The following GRK7 variants were observed in gnomAD, a reference collection of about 807,000 sequenced individuals.
GRK7 encodes G protein-coupled receptor kinase 7.
Under a neutral mutation model 34.1 loss-of-function variants are expected in GRK7, and 24 were observed. The ratio of observed to expected loss-of-function variants is 0.70; its 90% CI spans 0.51 to 0.99. GRK7 has a LOEUF of 0.99. Ranked by LOEUF, GRK7 falls within the 50% of genes least tolerant of loss-of-function variation. The pLI is 0.00. For synonymous variants in GRK7, 256 were observed against 279.4 expected (o/e 0.92, Z 0.84); for missense variants, 644 against 707.3 (o/e 0.91, Z 1.02).
In GRK7 at chr3:141,764,351, A is replaced by T. The variant is rs915089211; in HGVS notation, c.-1602A>T. On this transcript the variant is annotated 5_prime_UTR_variant, in exon 1 of 6. Transcript: ENST00000682958. ...TTGATTCTCTGTTGAACTGACTCTC[A>T]TAAGGTTTTCATCCCACTACTTCAT... is the stretch of plus-strand genomic sequence containing the variant. Among the ~76,000 whole-genome samples the T allele has an allele frequency of 3.9e-5, 6 of 152,124 alleles. No individual in the cohort carries two copies. The highest frequency in any genetic ancestry group is 1.4e-4 in the African/African-American group (6 of 41,414).
At position 141,778,401 on chromosome 3, in the gene GRK7, G is replaced by T; in HGVS notation, c.117G>T (p.Leu39=). 2.5e-6 allele frequency: 4 copies of T among 1,612,576 alleles called. No homozygotes were observed. In the Middle Eastern group the frequency reaches 5.0e-4, roughly 200 times the overall value. The part of the protein sequence containing the change: ...ELQRRRRSLA[L]PGLQGCAELR... ...AGCGGCGGCGGCGTAGCCTGGCCCT[G>T]CCCGGGCTGCAGGGCTGCGCGGAGC... Residue 39 remains leucine, a synonymous_variant, in exon 3 of 6, where the codon CTG becomes CTT. Coordinates refer to ENST00000682958, the MANE Select transcript of GRK7 (RefSeq NM_139209.3). The surrounding 1 kb of genome is among the most constrained non-coding windows in gnomAD (Gnocchi z 4.1).
intron 1 of GRK7, among the ~76,000 whole-genome samples, chr3:141,769,755 G>A (rs557277144): frequency 6.6e-6 from 1 of 152,294 alleles, no homozygotes; most frequent in African/African-American, 2.4e-5. Flanking sequence ...TCGGCCTCGT[G>A]TGTGACCTCT....
At chr3:141,755,827 A>G in the GRK7 span, among the ~76,000 whole-genome samples, 1 of 152,168 alleles carries the variant, frequency 6.6e-6, no homozygotes, top group South Asian at 2.1e-4. Flanking sequence ...CTACCCTATC[A>G]TCTAAGGTAT....
chr3:141,815,016 C>T (rs912971366), intron 5 of GRK7, among the ~76,000 whole-genome samples: 2 of 151,172 alleles, frequency 1.3e-5, no homozygotes, highest in Non-Finnish European at 2.9e-5. Context: ...TCTCCGCCTC[C>T]TGGGTTCAAG....
intron 1 of GRK7, among the ~76,000 whole-genome samples, chr3:141,766,878 C>G (rs1213102274): frequency 6.6e-6 from 1 of 152,214 alleles, no homozygotes; most frequent in African/African-American, 2.4e-5. Context: ...ATTTGCATAT[C>G]TGCCATAATT....
chr3:141,776,923 G>T (rs2084642468), intron 2 of GRK7, among the ~76,000 whole-genome samples: 1 of 152,156 alleles, frequency 6.6e-6, no homozygotes, highest in Non-Finnish European at 1.5e-5. Flanking sequence ...GGCACAGGTT[G>T]TTATTTTTGG....
At chr3:141,756,335 G>T in the GRK7 span, among the ~76,000 whole-genome samples, 4 of 130,656 alleles carry the variant, frequency 3.1e-5, no homozygotes, top group African/African-American at 1.2e-4. Context: ...AAGGTGGGGG[G>T]GTGAAAACAA....
At chr3:141,804,082 A>G (rs1710999113) in intron 4 of GRK7, among the ~76,000 whole-genome samples, 1 of 152,202 alleles carries the variant, frequency 6.6e-6, no homozygotes, top group African/African-American at 2.4e-5. Flanking sequence ...TTGCTTTATC[A>G]AATGTCCATC....
chr3:141,774,993 A>G (rs1234032691), intron 2 of GRK7, among the ~76,000 whole-genome samples: 1 of 151,908 alleles, frequency 6.6e-6, no homozygotes, highest in Non-Finnish European at 1.5e-5. Context: ...GGGTTTCGCC[A>G]TGTTGCCAGG....
At position 141,780,613 on chromosome 3, in the gene GRK7, C is replaced by G; in HGVS notation, c.852C>G (p.Gly284=). The change falls in exon 4 of 6, where the codon GGC becomes GGG. Residue 284 remains glycine, a synonymous_variant. Coordinates refer to ENST00000682958, the MANE Select transcript of GRK7 (RefSeq NM_139209.3). Reference sequence around the variant, plus strand: ...TCAAGTTCCACATCTACAACGTGGGCACGCGTGGCCTGGACATGAGCCGGG... The same window carrying G: ...TCAAGTTCCACATCTACAACGTGGGGACGCGTGGCCTGGACATGAGCCGGG... The part of the protein sequence containing the change: ...GDLKFHIYNV[G]TRGLDMSRVI... 6.2e-7 allele frequency: 1 copy of G among 1,614,210 alleles called. No homozygotes were observed. Among genetic ancestry groups the G allele is most frequent in the African/African-American group, 1.3e-5 (1 of 75,044 alleles).
chr3:141,796,281 C>A (rs1710871116), intron 4 of GRK7, among the ~76,000 whole-genome samples: 1 of 152,310 alleles, frequency 6.6e-6, no homozygotes, highest in East Asian at 1.9e-4. Flanking sequence ...CACAGCCCTG[C>A]ACATGATCTT....
chr3:141,776,706 C>T (rs1031168036), intron 2 of GRK7, among the ~76,000 whole-genome samples: 2 of 152,212 alleles, frequency 1.3e-5, no homozygotes, highest in Admixed American at 1.3e-4. Context: ...GAGGCTCTGA[C>T]AGGCAGAGCA....
chr3:141,772,363 G>T (rs1030491601), intron 1 of GRK7, among the ~76,000 whole-genome samples: 9 of 152,210 alleles, frequency 5.9e-5, no homozygotes, highest in Non-Finnish European at 8.8e-5. Context: ...AAAGTGCTGG[G>T]ATTACAGGCG....
At chr3:141,762,431 G>A (rs2107868368), upstream of GRK7, among the ~76,000 whole-genome samples, 1 of 147,656 alleles carries the variant, frequency 6.8e-6, no homozygotes, top group East Asian at 2.0e-4. Context: ...CTGCTCGGGG[G>A]TCAGGGGTCA....
rs1711172129 is a variant in GRK7 at position 141,818,188 on chromosome 3, T to C, written c.*1138T>C. The stretch of plus-strand genomic sequence containing the variant: ...TGAAGGAGACCTATGGGCTTAGAAA[T>C]TGAGTTGAACAGGCCAGGTGCGGTG... On this transcript the variant is annotated 3_prime_UTR_variant, in exon 6 of 6. Transcript: ENST00000682958. The C allele has an allele frequency of 6.6e-6, 1 of 152,146 alleles. No individual in the cohort carries two copies. Among genetic ancestry groups the C allele is most frequent in the Non-Finnish European group, 1.5e-5 (1 of 68,044 alleles). The allele number at this position is 152,146 out of a possible 1,614,324, so 9.4% of individuals were successfully genotyped here. A position where few individuals can be genotyped will look rare whatever the true frequency, so the allele number is the denominator to read the frequency against.
rs2084665898 is a variant in GRK7, at chr3:141,780,396, A to C, written c.635A>C (p.Asn212Thr). ...AAGGTATGTGCCGTCCAGGTGAAAA[A>C]CACTGGGAAGATGTATGCCTGTAAG... is the stretch of plus-strand genomic sequence containing the variant. Reference protein sequence around the residue: ...FGEVCAVQVKNTGKMYACKKL... With the variant: ...FGEVCAVQVKTTGKMYACKKL... The change falls in exon 4 of 6, where the codon AAC (asparagine) becomes ACC (threonine). Residue 212 changes from asparagine to threonine, a missense_variant. Coordinates refer to ENST00000682958, the MANE Select transcript of GRK7 (RefSeq NM_139209.3). 6.2e-7 allele frequency: 1 copy of C among 1,614,042 alleles called. No individual in the cohort carries two copies. Among genetic ancestry groups the C allele is most frequent in the African/African-American group, 1.3e-5 (1 of 74,984 alleles).
chr3:141,764,350 CAT>C lies in GRK7; in HGVS notation c.-1601_-1600del, dbSNP rs1216787732. On this transcript the variant is annotated 5_prime_UTR_variant, in exon 1 of 6. Coordinates refer to ENST00000682958, the MANE Select transcript of GRK7 (RefSeq NM_139209.3). ...ATTGATTCTCTGTTGAACTGACTCT[CAT>C]AAGGTTTTCATCCCACTACTTCATA... Among the ~76,000 whole-genome samples, 9 of 152,198 alleles carry C rather than the reference CAT, an allele frequency of 5.9e-5. No homozygotes were observed. The highest frequency in any genetic ancestry group is 2.2e-4 in the African/African-American group (9 of 41,448).
intron 4 of GRK7, among the ~76,000 whole-genome samples, chr3:141,790,177 A>T (rs1577918875): frequency 6.6e-6 from 1 of 151,954 alleles, no homozygotes; most frequent in Non-Finnish European, 1.5e-5. Flanking sequence ...AATTTTTTAT[A>T]CTTCTAGTAG....
chr3:141,783,135 A>G (rs1470152268), intron 4 of GRK7, among the ~76,000 whole-genome samples: 1 of 152,190 alleles, frequency 6.6e-6, no homozygotes, highest in Non-Finnish European at 1.5e-5. Context: ...ATAGGCATGC[A>G]TGCAGCAGTT....
Sources: allele counts gnomAD v4.1 joint callset (sites outside exome capture counted in the v4.1 genomes callset), GRCh38; gene constraint gnomAD v4.1.1; non-coding constraint Gnocchi (gnomAD v3.1); transcripts MANE v1.5; gene names NCBI Gene and HGNC (gene_info 2026-07-23, HGNC 2026-07-21).